BRWD1: variants seen among roughly 807,000 people sequenced by gnomAD.
BRWD1 encodes the protein bromodomain and WD repeat domain containing 1.
A neutral mutation model predicts 251.2 loss-of-function variants in BRWD1; 82 were observed. The observed-to-expected ratio is 0.33, with a 90% CI of 0.27 to 0.39. BRWD1 has a LOEUF of 0.39. Ranked by LOEUF, BRWD1 falls within the 10% of genes least tolerant of loss-of-function variation. The pLI is 1.00. For synonymous variants in BRWD1, 918 were observed against 902.8 expected (o/e 1.02, Z -0.30); for missense variants, 2,233 against 2,711.6 (o/e 0.82, Z 3.92).
intron 4 of BRWD1, among the ~76,000 whole-genome samples, chr21:39,299,544 A>T (rs1031833600): frequency 3.3e-5 from 5 of 152,198 alleles, no homozygotes. Context: ...CGTAAGAGAT[A>T]AAAGATATTG....
intron 1 of BRWD1, 21 bp from the exon 2 acceptor site, chr21:39,313,320 A>T: frequency 6.5e-7 from 1 of 1,529,486 alleles, no homozygotes; most frequent in Non-Finnish European, 8.9e-7. Flanking sequence ...ACAAGGAGTC[A>T]GGTCAAGCCC....
Position 39,276,205 on chromosome 21 carries a change from T to C in BRWD1, c.1113A>G (p.Val371=), listed in dbSNP as rs2035276405. The C allele has an allele frequency of 1.9e-6, 3 of 1,604,318 alleles. No individual in the cohort carries two copies. Among genetic ancestry groups the C allele is most frequent in the South Asian group, 1.1e-5 (1 of 90,224 alleles). The part of the protein sequence containing the change: ...IAELESHTDK[V]DSIQFCNNGD... The stretch of plus-strand genomic sequence containing the variant: ...CATTGTTACAAAATTGGATACTATC[T>C]ACTTTATCCTAAAGGGGGGAAAAGG... Residue 371 remains valine, a synonymous_variant, in exon 12 of 41, where the codon GTA becomes GTG. Transcript: ENST00000342449.
At chr21:39,243,708 C>T (rs537485572) in intron 21 of BRWD1, among the ~76,000 whole-genome samples, 1 of 152,274 alleles carries the variant, frequency 6.6e-6, no homozygotes, top group East Asian at 1.9e-4. Context: ...ACCTCAGTCT[C>T]CCAAAGTGCT....
intron 17 of BRWD1, among the ~76,000 whole-genome samples, chr21:39,262,679 C>T (rs2034793518): frequency 6.6e-6 from 1 of 152,062 alleles, no homozygotes; most frequent in African/African-American, 2.4e-5. Flanking sequence ...CATGCCACTG[C>T]ACTCCAGTCT....
chr21:39,261,771 A>C (rs1414631821), intron 17 of BRWD1, among the ~76,000 whole-genome samples: 4 of 151,782 alleles, frequency 2.6e-5, no homozygotes, highest in Admixed American at 6.5e-5. Flanking sequence ...ATCCCAAAGA[A>C]GAAAAAAAAA....
chr21:39,203,314 T>C (rs745321386), intron 37 of BRWD1, among the ~76,000 whole-genome samples: 4 of 152,046 alleles, frequency 2.6e-5, no homozygotes, highest in Non-Finnish European at 5.9e-5. Flanking sequence ...TAGCTGGGCA[T>C]AGTTGTGCAC....
At chr21:39,292,118 GGGGTGGGT>G (rs1361467267) in intron 8 of BRWD1, among the ~76,000 whole-genome samples, 2 of 45,048 alleles carry the variant, frequency 4.4e-5, no homozygotes, top group African/African-American at 1.5e-4. Flanking sequence ...TTTTTTGTGG[GGGGTGGGT>G]GGGGGTGGGG....
chr21:39,216,577 T>G, intron 31 of BRWD1: 1 of 222,184 alleles, frequency 4.5e-6, no homozygotes, highest in Admixed American at 4.7e-5. Context: ...GAACAACTAT[T>G]TTTCCAGAGC....
intron 13 of BRWD1, among the ~76,000 whole-genome samples, chr21:39,273,832 G>GA (rs2146683045): frequency 6.6e-6 from 1 of 152,220 alleles, no homozygotes; most frequent in Non-Finnish European, 1.5e-5. Flanking sequence ...AAACTGATAT[G>GA]AAAAAGTGCA....
At chr21:39,320,416 C>T (rs992167004) in intron 1 of BRWD1, among the ~76,000 whole-genome samples, 1 of 152,086 alleles carries the variant, frequency 6.6e-6, no homozygotes, top group Non-Finnish European at 1.5e-5. Flanking sequence ...CTCACTGCAG[C>T]CTCGATCTTT....
rs907226592 is a variant in BRWD1, at chr21:39,197,098, G to C, written c.5971C>G (p.Gln1991Glu). 2 of 1,614,084 alleles carry C rather than the reference G, an allele frequency of 1.2e-6. No homozygotes were observed. Among genetic ancestry groups the C allele is most frequent in the Non-Finnish European group, 1.7e-6 (2 of 1,179,958 alleles). ...GGTGGCTTGCCTTCACAGGCATACT[G>C]TTCACTTGGTACTTCACAATGTACA... ...GSVHCEVPSEQYACEGKPPDP... is the reference protein window; with the variant it reads ...GSVHCEVPSEEYACEGKPPDP... The change falls in exon 41 of 41, where the codon CAG becomes GAG. Residue 1991 changes from glutamine (Q) to glutamate (E), a missense_variant. Around this residue, in one of 12 missense-constraint regions of BRWD1, gnomAD observed 928 missense variants for 970.0 expected, o/e 0.96. Transcript: ENST00000342449.
chr21:39,269,472 T>G (rs2035034134), intron 15 of BRWD1, among the ~76,000 whole-genome samples: 1 of 152,076 alleles, frequency 6.6e-6, no homozygotes, highest in Non-Finnish European at 1.5e-5. Context: ...CCAAGGTTAC[T>G]GAAATTGGAG....
intron 4 of BRWD1, among the ~76,000 whole-genome samples, chr21:39,310,925 AC>A (rs1202356449): frequency 6.6e-6 from 1 of 152,156 alleles, no homozygotes; most frequent in Non-Finnish European, 1.5e-5. Flanking sequence ...TATACCATTA[AC>A]AAAAGAATAA....
chr21:39,236,199 T>G (rs2033805188), intron 23 of BRWD1, among the ~76,000 whole-genome samples: 1 of 152,140 alleles, frequency 6.6e-6, no homozygotes, highest in South Asian at 2.1e-4. Context: ...AGGGCCCCAG[T>G]CCTGCAAAGG....
rs2031236937 is a variant in BRWD1, at chr21:39,186,393, T to C, written c.*9866A>G. On this transcript the variant is annotated 3_prime_UTR_variant, in exon 41 of 41. Coordinates refer to ENST00000342449, the MANE Select transcript of BRWD1 (RefSeq NM_033656.4). ...AATGACATCAATGGACTTTCTCTAA[T>C]TGCCTATTTCCAACACTCTACTTCA... is the stretch of plus-strand genomic sequence containing the variant. 6.6e-6 allele frequency: 1 copy of C among 152,336 alleles called. No homozygotes were observed. 9.4% of individuals were successfully genotyped at this position (152,336 alleles called of 1,614,324 possible).
chr21:39,271,600 G>A (rs2035106188), intron 13 of BRWD1, among the ~76,000 whole-genome samples: 1 of 150,660 alleles, frequency 6.6e-6, no homozygotes, highest in Admixed American at 6.7e-5. Flanking sequence ...GGGAGGCTGA[G>A]GTGGGAGGAT....
In BRWD1 at chr21:39,280,204, A is replaced by G. The variant is rs1318505017; in HGVS notation, c.876T>C (p.Thr292=). Residue 292 remains threonine (T), a synonymous_variant, in exon 9 of 41, where the codon ACT becomes ACC. Transcript: ENST00000342449. The part of the protein sequence containing the change: ...AKGSQRYMVS[T]GADGTVCFWQ... The stretch of plus-strand genomic sequence containing the variant: ...AAAAGCAAACTGTCCCATCAGCACC[A>G]GTGGAAACCATGTATCTTTGAGAGC... 6 of 1,609,522 alleles carry G rather than the reference A, an allele frequency of 3.7e-6. No homozygotes were observed. Among genetic ancestry groups the G allele is most frequent in the Non-Finnish European group, 5.1e-6 (6 of 1,178,718 alleles).
At chr21:39,294,069 A>T in intron 7 of BRWD1, 37 bp from the exon 8 acceptor site, 2 of 1,538,666 alleles carry the variant, frequency 1.3e-6, no homozygotes, top group South Asian at 1.1e-5. Context: ...ATGTTAGTAC[A>T]GCAAATCTTT....
intron 19 of BRWD1, among the ~76,000 whole-genome samples, chr21:39,253,202 T>G (rs949591418): frequency 4.1e-5 from 6 of 145,658 alleles, no homozygotes; most frequent in African/African-American, 1.5e-4. Flanking sequence ...GGCAAGAGAA[T>G]CGCTTGAGCC....
Sources: gnomAD v4.1 joint callset for allele counts (sites outside exome capture counted in the v4.1 genomes callset) on GRCh38, gnomAD v4.1.1 for gene constraint, gnomAD v4.1.1 regional missense constraint, MANE v1.5 for transcripts, NCBI Gene and HGNC (gene_info 2026-07-23, HGNC 2026-07-21) for gene names.